The following CERT1 variants were observed in gnomAD, a reference collection of about 807,000 sequenced individuals.
The protein encoded by CERT1 is ceramide transfer protein.
Under a neutral mutation model 87.9 loss-of-function variants are expected in CERT1, and 31 were observed. That is an observed-to-expected ratio of 0.35 (90% confidence interval 0.27 to 0.48). CERT1 has a LOEUF of 0.48. CERT1 is among the 20% of genes least tolerant of loss of function. CERT1 has a pLI of 0.99. For synonymous variants in CERT1, 289 were observed against 250.9 expected (o/e 1.15, Z -1.44); for missense variants, 487 against 758.0 (o/e 0.64, Z 4.20).
intron 2 of CERT1, among the ~76,000 whole-genome samples, chr5:75,466,731 C>A (rs1467281114): frequency 6.6e-6 from 1 of 152,180 alleles, no homozygotes; most frequent in Non-Finnish European, 1.5e-5. Flanking sequence ...TGAGTCCCAC[C>A]TCTGCAGGAC....
At chr5:75,434,946 T>C (rs1445013586) in intron 3 of CERT1, among the ~76,000 whole-genome samples, 2 of 152,180 alleles carry the variant, frequency 1.3e-5, no homozygotes, top group Non-Finnish European at 2.9e-5. Flanking sequence ...TTCATTTTGT[T>C]GATTTTCTGC....
Position 75,505,822 on chromosome 5 carries a change from C to G in CERT1, c.231+160G>C, listed in dbSNP as rs1580869996. On this transcript the variant is annotated intron_variant, in intron 2 of 16. Transcript: ENST00000643780. ...AAATAACAATATGTAGTAAAAACCA[C>G]AGTAAAATCACTTTATGGAAAAAAG... 2.0e-5 allele frequency: 10 copies of G among 491,718 alleles called. No individual in the cohort carries two copies. In the South Asian group the frequency reaches 4.6e-4, roughly 23 times the overall value. The allele number at this position is 491,718 out of a possible 1,614,324, so 30.5% of individuals were successfully genotyped here. A position where few individuals can be genotyped will look rare whatever the true frequency, so the allele number is the denominator to read the frequency against.
At chr5:75,428,677 CA>C (rs758851060) in intron 3 of CERT1, among the ~76,000 whole-genome samples, 984 of 98,036 alleles carry the variant, frequency 0.01, 4 homozygotes, top group East Asian at 0.042. Context: ...GACTCTGTCT[CA>C]AAAAAAAAAA....
At chr5:75,398,763 T>C (rs570652982) in intron 11 of CERT1, among the ~76,000 whole-genome samples, 19 of 152,322 alleles carry the variant, frequency 1.2e-4, no homozygotes, top group African/African-American at 4.1e-4. Context: ...CAAATTTCCA[T>C]AGATTTAGCA....
downstream of CERT1, chr5:75,374,140 T>C: frequency 2.5e-6 from 1 of 400,552 alleles, no homozygotes; most frequent in Non-Finnish European, 4.4e-6. Context: ...ATTCAGCTTT[T>C]TTTTTTCTTT....
intron 8 of CERT1, among the ~76,000 whole-genome samples, chr5:75,405,394 T>C (rs930201400): frequency 6.6e-6 from 1 of 152,198 alleles, no homozygotes; most frequent in Non-Finnish European, 1.5e-5. Flanking sequence ...TTCTTACTTA[T>C]ATCCAACGCT....
At chr5:75,455,599 G>A (rs1358743821) in intron 3 of CERT1, among the ~76,000 whole-genome samples, 1 of 152,080 alleles carries the variant, frequency 6.6e-6, no homozygotes, top group East Asian at 1.9e-4. Flanking sequence ...TCTGAAATCC[G>A]CTACTGAAAC....
chr5:75,465,874 C>A (rs770647194), intron 2 of CERT1, among the ~76,000 whole-genome samples: 10 of 152,232 alleles, frequency 6.6e-5, no homozygotes, highest in Middle Eastern at 3.4e-3. Context: ...AAGGACAGCG[C>A]AACATTCTGA....
intron 2 of CERT1, among the ~76,000 whole-genome samples, chr5:75,493,118 C>A (rs1201568791): frequency 1.3e-5 from 2 of 152,194 alleles, no homozygotes; most frequent in Admixed American, 1.3e-4. Flanking sequence ...AGAAGACAGA[C>A]GTCTGTGTCT....
intron 3 of CERT1, among the ~76,000 whole-genome samples, chr5:75,442,587 T>C (rs902694695): frequency 3.9e-5 from 6 of 152,220 alleles, no homozygotes; most frequent in African/African-American, 1.4e-4. Flanking sequence ...GGTTACCCGA[T>C]TTTAGGGCAT....
chr5:75,410,113 T>C (rs1049166225), intron 8 of CERT1, among the ~76,000 whole-genome samples: 1 of 152,192 alleles, frequency 6.6e-6, no homozygotes, highest in African/African-American at 2.4e-5. Flanking sequence ...CTCAACATTG[T>C]TTAATGGCAA....
At chr5:75,374,544 T>C, downstream of CERT1, 2 of 716,442 alleles carry the variant, frequency 2.8e-6, no homozygotes, top group Middle Eastern at 2.6e-4. Context: ...GAACCGTGCC[T>C]GATGCGTGCC....
At chr5:75,419,574 C>A in intron 5 of CERT1, 150 bp from the exon 6 acceptor site, 2 of 613,666 alleles carry the variant, frequency 3.3e-6, no homozygotes, top group Admixed American at 3.0e-5. Flanking sequence ...TCAAGGTATG[C>A]TCAATAAATA....
intron 2 of CERT1, among the ~76,000 whole-genome samples, chr5:75,463,208 GTTAA>G (rs1765314082): frequency 6.6e-6 from 1 of 152,000 alleles, no homozygotes; most frequent in Non-Finnish European, 1.5e-5. Flanking sequence ...ATTCTGTAAA[GTTAA>G]TTAATTTCAA....
intron 2 of CERT1, among the ~76,000 whole-genome samples, chr5:75,471,450 T>G (rs1168631836): frequency 6.6e-6 from 1 of 152,152 alleles, no homozygotes; most frequent in Non-Finnish European, 1.5e-5. Context: ...TATGACCTTA[T>G]GGGACTACTG....
chr5:75,485,478 A>G (rs1025420104), intron 2 of CERT1, among the ~76,000 whole-genome samples: 1 of 151,950 alleles, frequency 6.6e-6, no homozygotes, highest in Admixed American at 6.5e-5. Flanking sequence ...AAGAAAGAAA[A>G]GAGCAAACCA....
At chr5:75,423,518 T>A (rs190678190) in intron 5 of CERT1, among the ~76,000 whole-genome samples, 2 of 152,126 alleles carry the variant, frequency 1.3e-5, no homozygotes, top group African/African-American at 4.8e-5. Context: ...GGTGGGAGAA[T>A]CCCTTGAGGC....
intron 2 of CERT1, among the ~76,000 whole-genome samples, chr5:75,497,168 C>T (rs1013024262): frequency 6.6e-6 from 1 of 152,146 alleles, no homozygotes; most frequent in Non-Finnish European, 1.5e-5. Flanking sequence ...TCTGTTCAAA[C>T]ATGACACGCT....
intron 5 of CERT1, among the ~76,000 whole-genome samples, chr5:75,424,828 CTT>C (rs1357003359): frequency 6.6e-6 from 1 of 152,054 alleles, no homozygotes; most frequent in Non-Finnish European, 1.5e-5. Flanking sequence ...ATTTGAAAGT[CTT>C]TGCCTGGTGT....
Sources: gnomAD v4.1 joint callset for allele counts (sites outside exome capture counted in the v4.1 genomes callset) on GRCh38, gnomAD v4.1.1 for gene constraint, MANE v1.5 for transcripts, NCBI Gene and HGNC (gene_info 2026-07-23, HGNC 2026-07-21) for gene names.